The following MIB1 variants were observed in gnomAD, a reference collection of about 807,000 sequenced individuals.
MIB1 encodes the protein E3 ubiquitin-protein ligase MIB1.
MIB1 carries 278 observed loss-of-function variants against 124.5 expected under a neutral mutation model. The ratio of observed to expected loss-of-function variants is 2.23; its 90% confidence interval spans 2.02 to 2.47. The LOEUF (loss-of-function observed/expected upper bound fraction) is 2.47. MIB1 is among the 30% of genes most tolerant of loss of function. The probability of loss-of-function intolerance (pLI) is 0.00; values close to 1 mark genes in which losing one functional copy is unlikely to be tolerated. For synonymous variants in MIB1, 446 were observed against 429.4 expected (o/e 1.04, Z -0.48); for missense variants, 957 against 1,254.4 (o/e 0.76, Z 3.58).
At chr18:21,781,394 TA>T (rs1454567172) in intron 6 of MIB1, among the ~76,000 whole-genome samples, 7 of 73,192 alleles carry the variant, frequency 9.6e-5, no homozygotes, top group Non-Finnish European at 1.6e-4. Context: ...TATATATATA[TA>T]TATATATATA....
chr18:21,751,375 C>T lies in MIB1; in HGVS notation c.229+9563C>T, dbSNP rs567058571. ...CACTGCAGCCAAGTGATTCTCCTGC[C>T]TCAACCCTGCAAGTAGCTGTAACTA... On this transcript the variant is annotated intron_variant, in intron 1 of 20. Transcript: ENST00000261537. 2.0e-5 allele frequency among the ~76,000 whole-genome samples: 3 copies of T among 152,190 alleles called. No homozygotes were observed. In the East Asian group the frequency reaches 5.8e-4, roughly 29 times the overall value.
At chr18:21,784,276 T>C (rs2041407556) in intron 6 of MIB1, among the ~76,000 whole-genome samples, 1 of 150,282 alleles carries the variant, frequency 6.7e-6, no homozygotes, top group Non-Finnish European at 1.5e-5. Flanking sequence ...CTGGATCTCC[T>C]GACCTCGTAA....
Position 21,708,740 on chromosome 18 carries a change from T to C in MIB1, n.167+3617T>C, listed in dbSNP as rs577228059. Among the ~76,000 whole-genome samples, 14 of 152,312 alleles carry C rather than the reference T, an allele frequency of 9.2e-5. No homozygotes were observed. In the East Asian group the frequency reaches 2.1e-3, roughly 23 times the overall value. On this transcript the variant is annotated intron_variant and non_coding_transcript_variant, in intron 1 of 20. Coordinates refer to the MIB1 transcript ENST00000578646. The stretch of plus-strand genomic sequence containing the variant: ...CAGAAAGTTTAATTCATTCATTCAA[T>C]CAGTGTCTTCTTGGGTGATTACAGG...
At position 21,869,051 on chromosome 18, in the gene MIB1, C is replaced by G. The variant is rs1009902635; in HGVS notation, c.*4385C>G. ...TTTGTGAGTAAAGAGGAAATGGGAA[C>G]CTGAGGTTAAAATTGACATTTTTGT... On this transcript the variant is annotated 3_prime_UTR_variant, in exon 21 of 21. Coordinates refer to ENST00000261537, the MANE Select transcript of MIB1 (RefSeq NM_020774.4). The G allele has an allele frequency of 3.9e-5, 6 of 152,324 alleles. No individual in the cohort carries two copies. The highest frequency in any genetic ancestry group is 1.4e-4 in the African/African-American group (6 of 41,386). The allele number at this position is 152,324 out of a possible 1,614,324, so 9.4% of individuals were successfully genotyped here. A position where few individuals can be genotyped will look rare whatever the true frequency, so the allele number is the denominator to read the frequency against.
chr18:21,778,074 G>T (rs781250284), intron 4 of MIB1, 29 bp from the exon 5 acceptor site: 5 of 1,550,788 alleles, frequency 3.2e-6, no homozygotes, highest in Non-Finnish European at 4.5e-6. Flanking sequence ...AGTTTCATGG[G>T]TGATTTTTCT....
At chr18:21,750,292 C>T (rs1448247267) in intron 1 of MIB1, among the ~76,000 whole-genome samples, 2 of 152,176 alleles carry the variant, frequency 1.3e-5, no homozygotes, top group African/African-American at 4.8e-5. Context: ...GCTGGGATTA[C>T]AGGCGGGTGC....
chr18:21,825,519 A>G (rs2041916653), intron 12 of MIB1: 5 of 318,042 alleles, frequency 1.6e-5, no homozygotes, highest in South Asian at 1.2e-4. Context: ...TCCTTAAGTC[A>G]TCCATACATT....
At chr18:21,806,769 G>T (rs1299473016) in intron 10 of MIB1, among the ~76,000 whole-genome samples, 1 of 151,816 alleles carries the variant, frequency 6.6e-6, no homozygotes, top group African/African-American at 2.4e-5. Flanking sequence ...GACTACAGGC[G>T]CACGCCGCCA....
intron 12 of MIB1, among the ~76,000 whole-genome samples, chr18:21,831,764 C>T (rs2041985798): frequency 6.6e-6 from 1 of 152,014 alleles, no homozygotes; most frequent in Non-Finnish European, 1.5e-5. Context: ...GCCTGATGCA[C>T]TGTCACTATA....
chr18:21,825,698 T>A (rs1171924637), intron 12 of MIB1: 1 of 531,550 alleles, frequency 1.9e-6, no homozygotes, highest in Admixed American at 2.0e-5. Flanking sequence ...CCCGTAGTAA[T>A]CAATGCATAG....
intron 1 of MIB1, among the ~76,000 whole-genome samples, chr18:21,718,374 C>T (rs1043722215): frequency 9.2e-5 from 14 of 152,026 alleles, no homozygotes; most frequent in South Asian, 2.1e-4. Flanking sequence ...CCACCTGTTC[C>T]GCAATAACCT....
rs559054754 is a variant in MIB1 at position 21,708,324 on chromosome 18, T to C, written n.167+3201T>C. On this transcript the variant is annotated intron_variant and non_coding_transcript_variant, in intron 1 of 20. Transcript: ENST00000578646. ...TTGAGATGGAGGTTGTCCAAGTTTA[T>C]TTCCTGTTAGAAAAACATTCTCCAT... Among the ~76,000 whole-genome samples, 72 of 152,366 alleles carry C rather than the reference T, an allele frequency of 4.7e-4. No homozygotes were observed. In the Middle Eastern group the frequency reaches 0.01, roughly 22 times the overall value.
intron 18 of MIB1, among the ~76,000 whole-genome samples, chr18:21,855,585 T>G (rs2042218975): frequency 6.6e-6 from 1 of 152,238 alleles, no homozygotes; most frequent in Non-Finnish European, 1.5e-5. Flanking sequence ...CCTAGTGCAC[T>G]TGTATAACCG....
At position 21,781,416 on chromosome 18, in the gene MIB1, AAATT is replaced by A. The variant is rs2041366406; in HGVS notation, c.908+1733_908+1736del. Among the ~76,000 whole-genome samples, 9 of 82,622 alleles carry A rather than the reference AAATT, an allele frequency of 1.1e-4. No homozygotes were observed. In the East Asian group the frequency reaches 3.0e-3, roughly 28 times the overall value. 54.2% of individuals were successfully genotyped at this position (82,622 alleles called of 152,430 possible). ...ATATATATATATATATATATATATAAAATTATTATTATTATTTTTTGAGATGGGG... is the reference window on the plus strand; with the variant it reads ...ATATATATATATATATATATATATAAATTATTATTATTTTTTGAGATGGGG... On this transcript the variant is annotated intron_variant, in intron 6 of 20. Transcript: ENST00000261537.
chr18:21,847,399 T>C (rs914734567), intron 16 of MIB1, among the ~76,000 whole-genome samples: 14 of 152,232 alleles, frequency 9.2e-5, no homozygotes, highest in African/African-American at 3.4e-4. Flanking sequence ...GATCTTCTAG[T>C]ACTCCCATGT....
At chr18:21,752,115 C>T (rs1441597801) in intron 1 of MIB1, among the ~76,000 whole-genome samples, 1 of 152,204 alleles carries the variant, frequency 6.6e-6, no homozygotes, top group Non-Finnish European at 1.5e-5. Context: ...ATAAGGCTGT[C>T]AGATCCTCCA....
chr18:21,737,380 C>T (rs1313775604), upstream of MIB1, among the ~76,000 whole-genome samples: 1 of 152,062 alleles, frequency 6.6e-6, no homozygotes, highest in African/African-American at 2.4e-5. Flanking sequence ...CTGAAGGAAG[C>T]ACTAAACATG....
At chr18:21,756,758 G>A (rs1051436264) in intron 1 of MIB1, among the ~76,000 whole-genome samples, 3 of 152,132 alleles carry the variant, frequency 2.0e-5, no homozygotes, top group South Asian at 2.1e-4. Flanking sequence ...GCCACCGCAC[G>A]TGGAGTCAAA....
At chr18:21,840,374 G>T (rs1029461054) in intron 13 of MIB1, among the ~76,000 whole-genome samples, 1 of 151,674 alleles carries the variant, frequency 6.6e-6, no homozygotes, top group African/African-American at 2.4e-5. Context: ...CCCACAAATA[G>T]GGCTAAACCA....
Sources: gnomAD v4.1 joint callset for allele counts (sites outside exome capture counted in the v4.1 genomes callset) on GRCh38, gnomAD v4.1.1 for gene constraint, MANE v1.5 for transcripts, NCBI Gene and HGNC (gene_info 2026-07-23, HGNC 2026-07-21) for gene names.